THSD7B: variants seen among roughly 807,000 people sequenced by gnomAD.
The protein encoded by THSD7B is thrombospondin type 1 domain containing 7B.
THSD7B carries 138 observed loss-of-function variants against 213.6 expected under a neutral mutation model. The ratio of observed to expected loss-of-function variants is 0.65; its 90% CI spans 0.56 to 0.74. The LOEUF (loss-of-function observed/expected upper bound fraction) is 0.74. Among genes scored for constraint, THSD7B ranks in the 30% least tolerant of loss-of-function variants. The probability of loss-of-function intolerance (pLI) is 0.00; values close to 1 mark genes in which losing one functional copy is unlikely to be tolerated. For missense variants in THSD7B, 1,931 were observed against 1,991.5 expected, an observed-to-expected ratio of 0.97 and a Z score of 0.58; for synonymous variants, 742 against 687.0, an observed-to-expected ratio of 1.08 and a Z score of -1.25.
chr2:137,331,033 C>G (rs1265231367), intron 12 of THSD7B, among the ~76,000 whole-genome samples: 1 of 149,424 alleles, frequency 6.7e-6, no homozygotes, highest in South Asian at 2.1e-4. Flanking sequence ...ACAGAGTGTC[C>G]ATTGGTGCAT....
rs1295745732 is a variant in THSD7B, at chr2:137,590,022, T to C, written c.3423+17466T>C. ...TGAGTGAAATTATTGACTTTTAAGT[T>C]CATTTTTTTTTTCTTTCATGGCCCT... On this transcript the variant is annotated intron_variant, in intron 17 of 27. Coordinates refer to ENST00000409968, the MANE Select transcript of THSD7B (RefSeq NM_001316349.2). Among the ~76,000 whole-genome samples the C allele has an allele frequency of 3.5e-5, 4 of 113,474 alleles. No homozygotes were observed. In the East Asian group the frequency reaches 6.5e-4, roughly 18 times the overall value. 74.4% of individuals were successfully genotyped at this position (113,474 alleles called of 152,430 possible).
At chr2:137,651,683 A>C (rs1683139961) in intron 21 of THSD7B, among the ~76,000 whole-genome samples, 1 of 152,054 alleles carries the variant, frequency 6.6e-6, no homozygotes, top group South Asian at 2.1e-4. Context: ...TTTTCAATGT[A>C]GACATTTATT....
At chr2:137,656,715 G>A (rs977529881) in intron 22 of THSD7B, 81 bp from the exon 23 acceptor site, 1 of 1,384,684 alleles carries the variant, frequency 7.2e-7, no homozygotes, top group East Asian at 2.4e-5. Flanking sequence ...GCAAATCTCT[G>A]TGTGAGCCCT....
Position 137,115,157 on chromosome 2 carries a change from C to T in THSD7B, c.1233C>T (p.Cys411=). The part of the protein sequence containing the change: ...YSWRTSEWKE[C]QVSLLLEQQD... Reference sequence around the variant, plus strand: ...GGAGAACTTCTGAATGGAAAGAATGCCAAGTCTCTCTCCTCCTCGAGCAGC... The same window carrying T: ...GGAGAACTTCTGAATGGAAAGAATGTCAAGTCTCTCTCCTCCTCGAGCAGC... The change falls in exon 5 of 28, where the codon TGC becomes TGT. Residue 411 remains cysteine, a synonymous_variant. Transcript: ENST00000409968. The T allele has an allele frequency of 1.2e-6, 2 of 1,613,916 alleles. No individual in the cohort carries two copies. Among genetic ancestry groups the T allele is most frequent in the South Asian group, 1.1e-5 (1 of 91,080 alleles).
At chr2:137,457,156 C>T (rs532818713) in intron 15 of THSD7B, among the ~76,000 whole-genome samples, 1 of 152,314 alleles carries the variant, frequency 6.6e-6, no homozygotes, top group African/African-American at 2.4e-5. Flanking sequence ...GTACTACCCC[C>T]TCAGGCTTGT....
chr2:136,814,031 A>G (rs749272265), intron 1 of THSD7B, among the ~76,000 whole-genome samples: 1 of 152,120 alleles, frequency 6.6e-6, no homozygotes, highest in Non-Finnish European at 1.5e-5. Context: ...GATTTCCAAT[A>G]TCCCCCTGTG....
intron 21 of THSD7B, among the ~76,000 whole-genome samples, chr2:137,648,607 G>A (rs577708324): frequency 1.3e-5 from 2 of 152,242 alleles, no homozygotes; most frequent in South Asian, 4.1e-4. Flanking sequence ...TATACCACGT[G>A]TTCTTTATCC....
rs147812577 is a variant in THSD7B at position 136,994,179 on chromosome 2, G to T, written c.140-62241G>T. Among the ~76,000 whole-genome samples, 305 of 152,282 alleles carry T rather than the reference G, an allele frequency of 2.0e-3. 1 individual carries two copies. The highest frequency in any genetic ancestry group is 7.0e-3 in the African/African-American group (291 of 41,558). ...GGAAAGAAATACATAATTGACGAGGGCTGGCATAAAATATATTTAAACTGC... is the reference window on the plus strand; with the variant it reads ...GGAAAGAAATACATAATTGACGAGGTCTGGCATAAAATATATTTAAACTGC... On this transcript the variant is annotated intron_variant, in intron 2 of 27. Transcript: ENST00000409968.
In THSD7B at chr2:137,283,548, C is replaced by T. The variant is rs374619141; in HGVS notation, c.2500+7522C>T. Among the ~76,000 whole-genome samples, 136 of 152,212 alleles carry T rather than the reference C, an allele frequency of 8.9e-4. 2 individuals are homozygous for T. In the East Asian group the frequency reaches 0.022, roughly 25 times the overall value. ...TTGGCTGTGGGTTTGTCATAGATAG[C>T]TCTTATTATTTTGAGATACTTCCCA... On this transcript the variant is annotated intron_variant, in intron 12 of 27. Coordinates refer to ENST00000409968, the MANE Select transcript of THSD7B (RefSeq NM_001316349.2).
At chr2:137,034,507 G>C (rs2104855608) in intron 2 of THSD7B, among the ~76,000 whole-genome samples, 1 of 152,280 alleles carries the variant, frequency 6.6e-6, no homozygotes, top group African/African-American at 2.4e-5. Context: ...GAAGTGGTTT[G>C]CTGCACTTAT....
intron 12 of THSD7B, among the ~76,000 whole-genome samples, chr2:137,354,356 C>T (rs1487166983): frequency 6.6e-6 from 1 of 151,996 alleles, no homozygotes; most frequent in South Asian, 2.1e-4. Context: ...CCTTTTAAAA[C>T]TCTATTTTTA....
chr2:136,952,390 A>G (rs757495113), intron 2 of THSD7B, among the ~76,000 whole-genome samples: 2 of 151,572 alleles, frequency 1.3e-5, no homozygotes, highest in African/African-American at 2.4e-5. Context: ...CTCAGTTTCC[A>G]TGAAAAATAT....
intron 1 of THSD7B, among the ~76,000 whole-genome samples, chr2:136,774,127 T>C (rs1681559460): frequency 6.6e-6 from 1 of 152,098 alleles, no homozygotes; most frequent in African/African-American, 2.4e-5. Context: ...CCAGTTTCTT[T>C]TTTTATTTTG....
chr2:136,972,964 C>A (rs1247210876), intron 2 of THSD7B, among the ~76,000 whole-genome samples: 3 of 152,118 alleles, frequency 2.0e-5, no homozygotes, highest in African/African-American at 7.2e-5. Flanking sequence ...TCACTCCCCA[C>A]AAATTAAATC....
chr2:137,630,227 C>T (rs2104851475), intron 20 of THSD7B, among the ~76,000 whole-genome samples: 1 of 152,288 alleles, frequency 6.6e-6, no homozygotes, highest in East Asian at 1.9e-4. Context: ...CTCCTGAGCT[C>T]AAGCAATCTG....
At chr2:137,327,031 C>A (rs1045816073) in intron 12 of THSD7B, among the ~76,000 whole-genome samples, 3 of 152,210 alleles carry the variant, frequency 2.0e-5, no homozygotes, top group African/African-American at 7.2e-5. Context: ...TTTATCCACA[C>A]ATTTAATAGT....
intron 17 of THSD7B, among the ~76,000 whole-genome samples, chr2:137,611,238 T>C (rs181801326): frequency 3.6e-4 from 55 of 151,916 alleles, no homozygotes; most frequent in Non-Finnish European, 7.5e-4. Flanking sequence ...CACAAATCAT[T>C]GTTTACCTAT....
chr2:137,299,712 A>G (rs1400460094), intron 12 of THSD7B, among the ~76,000 whole-genome samples: 1 of 152,166 alleles, frequency 6.6e-6, no homozygotes, highest in Non-Finnish European at 1.5e-5. Flanking sequence ...TAAAAATATT[A>G]AACTTGTGGG....
intron 20 of THSD7B, among the ~76,000 whole-genome samples, chr2:137,640,319 G>C (rs1682916603): frequency 6.6e-6 from 1 of 152,120 alleles, no homozygotes; most frequent in African/African-American, 2.4e-5. Flanking sequence ...CTCCCATCAT[G>C]GTTCTGAGGC....
Sources: gnomAD v4.1 joint callset for allele counts (sites outside exome capture counted in the v4.1 genomes callset) on GRCh38, gnomAD v4.1.1 for gene constraint, MANE v1.5 for transcripts, NCBI Gene and HGNC (gene_info 2026-07-23, HGNC 2026-07-21) for gene names.